The following JAZF1 variants were observed in gnomAD, a reference collection of about 807,000 sequenced individuals.
JAZF1 encodes juxtaposed with another zinc finger protein 1.
Under a neutral mutation model 26.4 loss-of-function variants are expected in JAZF1, and 8 were observed. That is an observed-to-expected ratio of 0.30 (90% confidence interval 0.18 to 0.55). The LOEUF is 0.55. JAZF1 is among the 20% of genes least tolerant of loss of function. The pLI, the probability that JAZF1 is intolerant of heterozygous loss-of-function variation, is 0.94. For missense variants in JAZF1, 199 were observed against 322.0 expected, an observed-to-expected ratio of 0.62 and a Z score of 2.92; for synonymous variants, 126 against 122.3, an observed-to-expected ratio of 1.03 and a Z score of -0.20.
chr7:28,000,011 G>C lies in JAZF1; in HGVS notation c.116-8030C>G, dbSNP rs529825658. ...CAGGCTTTACTGATGAATGGGAACT[G>C]AGCCAGGTTTTGAAGGGAGTGAGCG... On this transcript the variant is annotated intron_variant, in intron 1 of 4. Coordinates refer to ENST00000283928, the MANE Select transcript of JAZF1 (RefSeq NM_175061.4). Among the ~76,000 whole-genome samples, 75 of 152,326 alleles carry C rather than the reference G, an allele frequency of 4.9e-4. 1 individual carries two copies. In the Middle Eastern group the frequency reaches 0.01, roughly 21 times the overall value.
chr7:27,895,567 T>C, intron 2 of JAZF1, 151 bp from the exon 3 acceptor site: 1 of 479,190 alleles, frequency 2.1e-6, no homozygotes, highest in South Asian at 4.3e-5. Flanking sequence ...AGCTTCCCTT[T>C]TCCAATGCAA....
chr7:28,017,930 C>A (rs540434638), intron 1 of JAZF1, among the ~76,000 whole-genome samples: 2 of 152,262 alleles, frequency 1.3e-5, no homozygotes, highest in East Asian at 1.9e-4. Context: ...CCTGCCACCA[C>A]GTCTGGCTAA....
chr7:27,915,468 T>C (rs1488304389), intron 2 of JAZF1, among the ~76,000 whole-genome samples: 1 of 152,224 alleles, frequency 6.6e-6, no homozygotes, highest in African/African-American at 2.4e-5. Context: ...GTGCATAATT[T>C]GATCGCTAGC....
chr7:28,166,126 AT>A lies in JAZF1; in HGVS notation c.115+14336del, dbSNP rs542803573. ...GGCCCTTGGTTACATATATATATAT[AT>A]AAAAAAAGTTGGAAACCACTTTCTT... On this transcript the variant is annotated intron_variant, in intron 1 of 4. Coordinates refer to ENST00000283928, the MANE Select transcript of JAZF1 (RefSeq NM_175061.4). Among the ~76,000 whole-genome samples, 1,293 of 152,268 alleles carry A rather than the reference AT, an allele frequency of 8.5e-3. 9 individuals carry two copies. Among genetic ancestry groups the A allele is most frequent in the African/African-American group, 0.018 (739 of 41,566 alleles).
chr7:28,112,284 T>C (rs1336525463), intron 1 of JAZF1, among the ~76,000 whole-genome samples: 1 of 152,224 alleles, frequency 6.6e-6, no homozygotes, highest in Non-Finnish European at 1.5e-5. Context: ...TTTCATTAGT[T>C]TCATTCACTG....
At chr7:27,875,355 C>T (rs186842522) in intron 3 of JAZF1, among the ~76,000 whole-genome samples, 1 of 152,316 alleles carries the variant, frequency 6.6e-6, no homozygotes, top group African/African-American at 2.4e-5. Flanking sequence ...CCTCTTTTAG[C>T]CATTTTTACA....
At position 27,935,461 on chromosome 7, in the gene JAZF1, T is replaced by A. The variant is rs553389050; in HGVS notation, c.189-40045A>T. Among the ~76,000 whole-genome samples, 18 of 152,338 alleles carry A rather than the reference T, an allele frequency of 1.2e-4. No homozygotes were observed. In the South Asian group the frequency reaches 3.3e-3, roughly 28 times the overall value. On this transcript the variant is annotated intron_variant, in intron 2 of 4. Coordinates refer to ENST00000283928, the MANE Select transcript of JAZF1 (RefSeq NM_175061.4). ...AAGCAGCCAGACACTTTAGGTCACATATGATTCCACGTGTATGAAATCCAG... is the reference window on the plus strand; with the variant it reads ...AAGCAGCCAGACACTTTAGGTCACAAATGATTCCACGTGTATGAAATCCAG...
chr7:28,086,218 G>C (rs1784209885), intron 1 of JAZF1, among the ~76,000 whole-genome samples: 1 of 152,196 alleles, frequency 6.6e-6, no homozygotes, highest in Non-Finnish European at 1.5e-5. Context: ...ACATTAATAA[G>C]GGCTGTTGGT....
rs1219879766 is a variant in JAZF1 at position 27,832,367 on chromosome 7, GTAT to G, written c.*430_*432del. 4.5e-6 allele frequency: 1 copy of G among 221,480 alleles called. No homozygotes were observed. The highest frequency in any genetic ancestry group is 2.2e-5 in the African/African-American group (1 of 44,608). 13.7% of individuals were successfully genotyped at this position (221,480 alleles called of 1,614,324 possible). ...CATGGTAACCAGTTTGATAATGAAG[GTAT>G]TATTTTGGTTTTGAACATATGTGAG... is the stretch of plus-strand genomic sequence containing the variant. On this transcript the variant is annotated 3_prime_UTR_variant, in exon 5 of 5. Transcript: ENST00000283928.
chr7:28,071,759 A>G, intron 1 of JAZF1: 1 of 404,520 alleles, frequency 2.5e-6, no homozygotes, highest in South Asian at 1.8e-5. Flanking sequence ...ATCTGTGATC[A>G]GAAAAAGTGC....
intron 1 of JAZF1, among the ~76,000 whole-genome samples, chr7:28,142,665 T>C (rs186384362): frequency 2.3e-3 from 348 of 152,336 alleles, no homozygotes; most frequent in Non-Finnish European, 4.2e-3. Flanking sequence ...TTGCTCACTG[T>C]ATCTGTCCCT....
chr7:27,881,428 C>T (rs934139513), intron 3 of JAZF1, among the ~76,000 whole-genome samples: 17 of 152,194 alleles, frequency 1.1e-4, no homozygotes, highest in Admixed American at 1.0e-3. Flanking sequence ...AACCAAGTGG[C>T]TTTAATTAAA....
intron 1 of JAZF1, among the ~76,000 whole-genome samples, chr7:28,015,868 T>C (rs988215886): frequency 1.2e-4 from 19 of 152,152 alleles, no homozygotes; most frequent in African/African-American, 3.9e-4. Context: ...AAATAACTGC[T>C]GTGATGGAGA....
In JAZF1 at chr7:28,091,958, G is replaced by A. The variant is rs79991571; in HGVS notation, c.115+88505C>T. ...TTTCATGCAGTCCAAGTATGTTACCGTAGCAGAAAATTTGCTACGATGGCT... is the reference window on the plus strand; with the variant it reads ...TTTCATGCAGTCCAAGTATGTTACCATAGCAGAAAATTTGCTACGATGGCT... On this transcript the variant is annotated intron_variant, in intron 1 of 4. Coordinates refer to ENST00000283928, the MANE Select transcript of JAZF1 (RefSeq NM_175061.4). Among the ~76,000 whole-genome samples, 390 of 152,172 alleles carry A rather than the reference G, an allele frequency of 2.6e-3. 2 individuals carry two copies. The highest frequency in any genetic ancestry group is 8.9e-3 in the African/African-American group (368 of 41,518).
chr7:27,982,302 T>C (rs1029239203), intron 2 of JAZF1, among the ~76,000 whole-genome samples: 6 of 107,774 alleles, frequency 5.6e-5, no homozygotes, highest in African/African-American at 9.7e-5. Flanking sequence ...CAGGAGATTA[T>C]ATCCCGCGCA....
intron 1 of JAZF1, among the ~76,000 whole-genome samples, chr7:28,080,030 T>C (rs1331663096): frequency 1.3e-5 from 2 of 152,242 alleles, no homozygotes; most frequent in Non-Finnish European, 2.9e-5. Context: ...TTAAAAAGTA[T>C]ATATCTTAAT....
intron 2 of JAZF1, among the ~76,000 whole-genome samples, chr7:27,944,489 T>C (rs1339001545): frequency 5.3e-5 from 8 of 152,240 alleles, no homozygotes; most frequent in Non-Finnish European, 1.5e-5. Context: ...AGTGGTAGAT[T>C]ATTTGTTTTG....
chr7:28,123,175 C>T (rs925139276), intron 1 of JAZF1, among the ~76,000 whole-genome samples: 2 of 152,098 alleles, frequency 1.3e-5, no homozygotes, highest in South Asian at 4.1e-4. Context: ...TGTCTCAGGG[C>T]CTGTGCACAT....
chr7:27,840,955 C>A lies in JAZF1; in HGVS notation c.386-88G>T. The stretch of plus-strand genomic sequence containing the variant: ...CCACTTCCAGGACAGGAGATGTGGC[C>A]GTGGCAGAGCAGCGCTGACGGCCCA... On this transcript the variant is annotated intron_variant, in intron 3 of 4. Transcript: ENST00000283928. This position sits in a 1 kb window ranked among gnomAD's most constrained non-coding sequence, Gnocchi z 5.1. 7.0e-7 allele frequency: 1 copy of A among 1,432,570 alleles called. No homozygotes were observed. Among genetic ancestry groups the A allele is most frequent in the African/African-American group, 1.4e-5 (1 of 70,880 alleles). 88.7% of individuals were successfully genotyped at this position (1,432,570 alleles called of 1,614,324 possible). A position where few individuals can be genotyped will look rare whatever the true frequency, so the allele number is the denominator to read the frequency against.
Sources: gnomAD v4.1 joint callset for allele counts (sites outside exome capture counted in the v4.1 genomes callset) on GRCh38, gnomAD v4.1.1 for gene constraint, Gnocchi (gnomAD v3.1) non-coding constraint, MANE v1.5 for transcripts, NCBI Gene and HGNC (gene_info 2026-07-23, HGNC 2026-07-21) for gene names.